HS1BP3: variants seen among roughly 807,000 people sequenced by gnomAD.
HS1BP3 encodes HCLS1-binding protein 3.
HS1BP3 carries 32 observed loss-of-function variants against 33.5 expected under a neutral mutation model. The observed-to-expected ratio is 0.95, with a 90% confidence interval of 0.72 to 1.28. HS1BP3 has a LOEUF of 1.28. Ranked by LOEUF, HS1BP3 falls within the 50% of genes most tolerant of loss-of-function variation. The probability of loss-of-function intolerance (pLI) is 0.00; values close to 1 mark genes in which losing one functional copy is unlikely to be tolerated. For missense variants in HS1BP3, 486 were observed against 502.3 expected (o/e 0.97, Z 0.31); for synonymous variants, 187 against 209.2 (o/e 0.89, Z 0.92).
At chr2:20,615,245 G>C (rs1014681498), downstream of HS1BP3, among the ~76,000 whole-genome samples, 2 of 152,222 alleles carry the variant, frequency 1.3e-5, no homozygotes, top group African/African-American at 4.8e-5. Flanking sequence ...GGGGTGAGGG[G>C]ATATCACACA....
At chr2:20,640,658 T>C (rs1261125838) in intron 3 of HS1BP3, 2 of 555,670 alleles carry the variant, frequency 3.6e-6, no homozygotes, top group Non-Finnish European at 6.6e-6. Flanking sequence ...TTGTATGTGG[T>C]GCATGGTCAG....
intron 5 of HS1BP3, among the ~76,000 whole-genome samples, chr2:20,571,910 C>T (rs775609066): frequency 1.2e-4 from 19 of 152,216 alleles, no homozygotes; most frequent in African/African-American, 2.2e-4. Context: ...TCCAGCAGGC[C>T]GGAGCACCGA....
At chr2:20,608,341 G>A (rs1042111470) in intron 2 of HS1BP3, among the ~76,000 whole-genome samples, 7 of 152,050 alleles carry the variant, frequency 4.6e-5, no homozygotes, top group African/African-American at 9.7e-5. Flanking sequence ...TTGGGAGGCC[G>A]ATGCGGGAGG....
intron 5 of HS1BP3, among the ~76,000 whole-genome samples, chr2:20,575,767 C>G (rs58322186): frequency 6.7e-6 from 1 of 150,292 alleles, no homozygotes; most frequent in African/African-American, 2.5e-5. Flanking sequence ...TCCACCCCCC[C>G]CCCCCCCTTC....
At chr2:20,641,625 G>A (rs1359094665) in intron 2 of HS1BP3, among the ~76,000 whole-genome samples, 1 of 152,152 alleles carries the variant, frequency 6.6e-6, no homozygotes, top group African/African-American at 2.4e-5. Flanking sequence ...GTGGCCTTCG[G>A]CGGGCCAGCC....
intron 6 of HS1BP3, chr2:20,622,350 C>A (rs569534429): frequency 9.2e-6 from 12 of 1,302,300 alleles, no homozygotes; most frequent in African/African-American, 1.5e-5. Context: ...AGCAGTTAAT[C>A]CTTTCATTAG....
At chr2:20,589,544 C>T (rs1428213433), downstream of HS1BP3, among the ~76,000 whole-genome samples, 1 of 152,196 alleles carries the variant, frequency 6.6e-6, no homozygotes, top group African/African-American at 2.4e-5. Context: ...GACAACACCC[C>T]CATAAGCGGC....
chr2:20,609,567 C>T (rs950804482), intron 2 of HS1BP3, among the ~76,000 whole-genome samples: 1 of 152,220 alleles, frequency 6.6e-6, no homozygotes, highest in East Asian at 1.9e-4. Flanking sequence ...CTGAGCCGCT[C>T]TGTGGATTTG....
At chr2:20,629,257 C>T (rs767269056) in intron 4 of HS1BP3, among the ~76,000 whole-genome samples, 8 of 152,122 alleles carry the variant, frequency 5.3e-5, no homozygotes, top group Non-Finnish European at 8.8e-5. Flanking sequence ...CGGGTCAGGT[C>T]GCACACATGG....
chr2:20,633,351 G>A (rs995017233), intron 4 of HS1BP3, among the ~76,000 whole-genome samples: 8 of 152,204 alleles, frequency 5.3e-5, no homozygotes, highest in African/African-American at 1.9e-4. Context: ...CCAACCAGGG[G>A]AAATCCTACT....
At chr2:20,635,834 C>A (rs1346013754) in intron 4 of HS1BP3, 1 of 152,106 alleles carries the variant, frequency 6.6e-6, no homozygotes, top group East Asian at 1.9e-4. Context: ...TCTTTAATTG[C>A]TCTCTAATGG....
In HS1BP3 at chr2:20,624,721, G is replaced by A; in HGVS notation, c.784+11C>T. ...GAGGACACCAGGAGCAGACCATGGGGCTCTACTTACGGTCCACGGATGACA... is the reference window on the plus strand; with the variant it reads ...GAGGACACCAGGAGCAGACCATGGGACTCTACTTACGGTCCACGGATGACA... On this transcript the variant is annotated intron_variant, in intron 5 of 6. Transcript: ENST00000304031. 1.9e-6 allele frequency: 3 copies of A among 1,581,518 alleles called. No homozygotes were observed. The highest frequency in any genetic ancestry group is 1.7e-6 in the Non-Finnish European group (2 of 1,162,280).
At chr2:20,595,944 A>T (rs951371713) in intron 3 of HS1BP3, among the ~76,000 whole-genome samples, 5 of 152,180 alleles carry the variant, frequency 3.3e-5, no homozygotes, top group Non-Finnish European at 7.4e-5. Flanking sequence ...ACAGTTTCCC[A>T]CGTTCTTTCT....
chr2:20,631,395 G>C (rs1173547829), intron 4 of HS1BP3, among the ~76,000 whole-genome samples: 1 of 151,790 alleles, frequency 6.6e-6, no homozygotes, highest in African/African-American at 2.4e-5. Context: ...CATGCCTGTA[G>C]TTCCAGCTAT....
chr2:20,641,638 T>C (rs1386916634), intron 2 of HS1BP3, among the ~76,000 whole-genome samples: 8 of 152,198 alleles, frequency 5.3e-5, no homozygotes, highest in Admixed American at 5.2e-4. Flanking sequence ...GGCCAGCCAA[T>C]GCAAGCAGTG....
At chr2:20,574,586 G>A (rs1464968351) in intron 5 of HS1BP3, among the ~76,000 whole-genome samples, 1 of 152,184 alleles carries the variant, frequency 6.6e-6, no homozygotes, top group Non-Finnish European at 1.5e-5. Context: ...GAAGGAATGA[G>A]TGCTGCATGG....
chr2:20,563,258 A>G (rs1693044723), intron 5 of HS1BP3, among the ~76,000 whole-genome samples: 1 of 152,196 alleles, frequency 6.6e-6, no homozygotes, highest in Non-Finnish European at 1.5e-5. Flanking sequence ...TCTCTCTAAG[A>G]CAGCCTCCAG....
intron 5 of HS1BP3, among the ~76,000 whole-genome samples, chr2:20,569,741 G>A (rs564325472): frequency 1.4e-4 from 22 of 152,350 alleles, no homozygotes; most frequent in African/African-American, 5.1e-4. Flanking sequence ...TGCCCTTGGA[G>A]TTGGGCACAG....
rs780657239 is a variant in HS1BP3, at chr2:20,641,147, A to C, written c.232T>G (p.Tyr78Asp). ...SKKYSEIEEF[Y>D]QKLSSRYAAA... ...GCATAACGACTGCTCAGTTTCTGGT[A>C]AAACTCCTCAATCTCGCTGTACTTT... Residue 78 changes from tyrosine to aspartate, a missense_variant, in exon 3 of 7, where the codon TAC (tyrosine) becomes GAC (aspartate). Transcript: ENST00000304031. 1.8e-5 allele frequency: 29 copies of C among 1,609,978 alleles called. No homozygotes were observed. In the South Asian group the frequency reaches 3.0e-4, roughly 16 times the overall value.
Sources: allele counts gnomAD v4.1 joint callset (sites outside exome capture counted in the v4.1 genomes callset), GRCh38; gene constraint gnomAD v4.1.1; transcripts MANE v1.5; gene names NCBI Gene and HGNC (gene_info 2026-07-23, HGNC 2026-07-21).